The following PDE9A variants were observed in gnomAD, a reference collection of about 807,000 sequenced individuals.
The protein encoded by PDE9A is high affinity cGMP-specific 3',5'-cyclic phosphodiesterase 9A.
PDE9A carries 60 observed loss-of-function variants against 87.4 expected under a neutral mutation model. The observed-to-expected ratio is 0.69, with a 90% CI of 0.56 to 0.85. PDE9A has a LOEUF of 0.85. Ranked by LOEUF, PDE9A falls within the 40% of genes least tolerant of loss-of-function variation. The probability of loss-of-function intolerance (pLI) is 0.00; values close to 1 mark genes in which losing one functional copy is unlikely to be tolerated. For missense variants in PDE9A, 665 were observed against 779.0 expected (o/e 0.85, Z 1.74); for synonymous variants, 272 against 279.4 (o/e 0.97, Z 0.27).
rs143889551 is a variant in PDE9A, at chr21:42,660,241, G to A, written c.69+6358G>A. Among the ~76,000 whole-genome samples, 259 of 152,314 alleles carry A rather than the reference G, an allele frequency of 1.7e-3. 4 individuals are homozygous for A. In the East Asian group the frequency reaches 0.019, roughly 11 times the overall value. ...CCCCAGAGACCAGACGGCACAGCCC[G>A]ATAGCTGGGCCTGCCCCAGACAAAG... On this transcript the variant is annotated intron_variant, in intron 1 of 19. Transcript: ENST00000291539. The surrounding 1 kb of genome is among the most constrained non-coding windows in gnomAD (Gnocchi z 4.7).
At chr21:42,657,678 G>A (rs1264470922) in intron 1 of PDE9A, among the ~76,000 whole-genome samples, 2 of 152,210 alleles carry the variant, frequency 1.3e-5, no homozygotes, top group Non-Finnish European at 2.9e-5. Flanking sequence ...CTTCCGAATC[G>A]GGGAAGAGAG....
intron 1 of PDE9A, among the ~76,000 whole-genome samples, chr21:42,654,499 G>A (rs377218267): frequency 2.6e-5 from 4 of 152,152 alleles, no homozygotes; most frequent in African/African-American, 9.7e-5. Context: ...CCCTTTGTTC[G>A]TGGCCCCCTC....
At chr21:42,682,502 C>T (rs1001937889) in intron 1 of PDE9A, among the ~76,000 whole-genome samples, 4 of 152,184 alleles carry the variant, frequency 2.6e-5, no homozygotes, top group African/African-American at 9.6e-5. Context: ...GTTTGTTTTG[C>T]TGGAAGACCT....
At position 42,704,433 on chromosome 21, in the gene PDE9A, A is replaced by AACACACACACACACACAC. The variant is rs34581078; in HGVS notation, c.262+5442_262+5459dup. Among the ~76,000 whole-genome samples the AACACACACACACACACAC allele has an allele frequency of 6.6e-4, 91 of 137,114 alleles. No individual in the cohort carries two copies. The highest frequency in any genetic ancestry group is 3.7e-3 in the Middle Eastern group (1 of 270). The allele number at this position is 137,114 out of a possible 152,430, so 90.0% of individuals were successfully genotyped here. On this transcript the variant is annotated intron_variant, in intron 4 of 19. Transcript: ENST00000291539. This position sits in a 1 kb window ranked among gnomAD's most constrained non-coding sequence, Gnocchi z 5.3. The stretch of plus-strand genomic sequence containing the variant: ...CAGGTAGACCCCCCCCACCCCACCA[A>AACACACACACACACACAC]ACACACACACACACACACACACACA...
intron 3 of PDE9A, among the ~76,000 whole-genome samples, chr21:42,693,423 C>T (rs571521325): frequency 7.9e-5 from 12 of 151,592 alleles, no homozygotes; most frequent in Admixed American, 2.6e-4. Context: ...CTCAGCCTCC[C>T]GAGTAGCTGG....
chr21:42,751,267 T>A, intron 9 of PDE9A, 70 bp downstream of exon 9: 1 of 1,111,130 alleles, frequency 9.0e-7, no homozygotes, highest in Non-Finnish European at 1.4e-6. Flanking sequence ...CCTGTGGCCC[T>A]GCGGCCAGAC....
chr21:42,736,472 G>A (rs993689468), intron 7 of PDE9A, among the ~76,000 whole-genome samples: 1 of 152,128 alleles, frequency 6.6e-6, no homozygotes, highest in East Asian at 1.9e-4. Context: ...AAAACCCTCA[G>A]TAAATGCACA....
At chr21:42,664,553 C>T (rs920844909) in intron 1 of PDE9A, among the ~76,000 whole-genome samples, 3 of 152,202 alleles carry the variant, frequency 2.0e-5, no homozygotes, top group Non-Finnish European at 2.9e-5. Context: ...ACTGGACCAG[C>T]GCAAGGCCCC....
At chr21:42,763,744 C>T (rs1420864868) in intron 14 of PDE9A, among the ~76,000 whole-genome samples, 7 of 152,232 alleles carry the variant, frequency 4.6e-5, no homozygotes, top group Non-Finnish European at 8.8e-5. Flanking sequence ...GCAAGAAAGA[C>T]TGCCTGGACT....
intron 14 of PDE9A, among the ~76,000 whole-genome samples, chr21:42,764,294 C>T (rs965601847): frequency 2.6e-5 from 4 of 152,242 alleles, no homozygotes; most frequent in Non-Finnish European, 4.4e-5. Context: ...GTTATCTCCC[C>T]TTTATCTATA....
chr21:42,703,571 G>T (rs1320247323), intron 4 of PDE9A, among the ~76,000 whole-genome samples: 1 of 152,358 alleles, frequency 6.6e-6, no homozygotes, highest in Admixed American at 6.5e-5. Context: ...GCAGAGGAAA[G>T]AGGGATTTCT....
chr21:42,763,817 G>C (rs575735328), intron 14 of PDE9A, among the ~76,000 whole-genome samples: 1 of 152,222 alleles, frequency 6.6e-6, no homozygotes, highest in Non-Finnish European at 1.5e-5. Context: ...TTATCAGAGA[G>C]CAGCAGCCTC....
intron 9 of PDE9A, among the ~76,000 whole-genome samples, 163 bp from the exon 10 acceptor site, chr21:42,753,827 G>C (rs1216789249): frequency 7.0e-6 from 1 of 143,092 alleles, no homozygotes; most frequent in Non-Finnish European, 1.5e-5. Context: ...TCGCACCACT[G>C]CACTCCAGCG....
intron 19 of PDE9A, among the ~76,000 whole-genome samples, chr21:42,773,908 T>G (rs945084993): frequency 3.1e-4 from 46 of 150,666 alleles, no homozygotes; most frequent in African/African-American, 1.1e-3. Context: ...ATCGAGACCA[T>G]CCTGGCTAAC....
At chr21:42,762,440 C>T (rs942436697) in intron 14 of PDE9A, among the ~76,000 whole-genome samples, 1 of 152,202 alleles carries the variant, frequency 6.6e-6, no homozygotes. Flanking sequence ...GCCATGCGCA[C>T]GTGCATCCCA....
intron 8 of PDE9A, among the ~76,000 whole-genome samples, chr21:42,747,312 A>AGGGTGG (rs2053960407): frequency 1.8e-5 from 1 of 55,144 alleles, no homozygotes; most frequent in Non-Finnish European, 3.5e-5. Flanking sequence ...TGCAAAAGGC[A>AGGGTGG]GGGTGGGGGT....
intron 7 of PDE9A, among the ~76,000 whole-genome samples, chr21:42,743,002 G>A (rs2053479334): frequency 6.6e-6 from 1 of 152,184 alleles, no homozygotes; most frequent in Admixed American, 6.5e-5. Context: ...GCAAGAAGCA[G>A]GTCTGCTTTG....
chr21:42,727,835 A>G (rs2051306112), intron 4 of PDE9A, among the ~76,000 whole-genome samples: 1 of 152,176 alleles, frequency 6.6e-6, no homozygotes, highest in South Asian at 2.1e-4. Context: ...ATTGGCAAAC[A>G]AGGACAGTTT....
intron 1 of PDE9A, among the ~76,000 whole-genome samples, chr21:42,670,415 CA>C (rs2058439335): frequency 7.0e-6 from 1 of 142,658 alleles, no homozygotes; most frequent in African/African-American, 2.8e-5. Flanking sequence ...CACATACATT[CA>C]CACGCACTTA....
Sources: allele counts gnomAD v4.1 joint callset (sites outside exome capture counted in the v4.1 genomes callset), GRCh38; gene constraint gnomAD v4.1.1; non-coding constraint Gnocchi (gnomAD v3.1); transcripts MANE v1.5; gene names NCBI Gene and HGNC (gene_info 2026-07-23, HGNC 2026-07-21).